The following ADGRE3 variants were observed in gnomAD, a reference collection of about 807,000 sequenced individuals.
ADGRE3 encodes the protein EGF-like module receptor 3.
ADGRE3 carries 88 observed loss-of-function variants against 80.1 expected under a neutral mutation model. The ratio of observed to expected loss-of-function variants is 1.10; its 90% CI spans 0.93 to 1.31. ADGRE3 has a LOEUF of 1.31. Among genes scored for constraint, ADGRE3 ranks in the 40% most tolerant of loss-of-function variants. ADGRE3 has a pLI of 0.00. For missense variants in ADGRE3, 715 were observed against 776.5 expected, an observed-to-expected ratio of 0.92 and a Z score of 0.94; for synonymous variants, 281 against 294.8, an observed-to-expected ratio of 0.95 and a Z score of 0.48.
chr19:14,633,646 A>G (rs561266506), intron 11 of ADGRE3, among the ~76,000 whole-genome samples: 19 of 150,652 alleles, frequency 1.3e-4, no homozygotes, highest in Non-Finnish European at 2.1e-4. Flanking sequence ...CGGAGCTTGC[A>G]GTGAGCCAAG....
chr19:14,609,900 C>T, the ADGRE3 span, among the ~76,000 whole-genome samples: 6 of 152,056 alleles, frequency 3.9e-5, no homozygotes, highest in Non-Finnish European at 8.8e-5. Flanking sequence ...GGGCCAGGCA[C>T]GGTGGCTCAC....
At chr19:14,664,623 T>A (rs1972042024) in intron 2 of ADGRE3, among the ~76,000 whole-genome samples, 1 of 152,088 alleles carries the variant, frequency 6.6e-6, no homozygotes, top group Non-Finnish European at 1.5e-5. Flanking sequence ...GCGGGAGGAT[T>A]GCTTGAGCCC....
At chr19:14,673,530 T>C (rs34863564) in intron 1 of ADGRE3, among the ~76,000 whole-genome samples, 30,847 of 152,038 alleles carry the variant, frequency 0.2, 3,337 homozygotes, top group Middle Eastern at 0.37. Context: ...GGAGGAGCAT[T>C]ATAGCAAAGA....
chr19:14,646,991 T>C (rs1198234343), intron 8 of ADGRE3, among the ~76,000 whole-genome samples, 190 bp downstream of exon 8: 4 of 152,062 alleles, frequency 2.6e-5, no homozygotes, highest in African/African-American at 9.7e-5. Context: ...ATTTACAAGA[T>C]GTAAATCTGG....
chr19:14,619,884 A>G (rs1458406064), intron 15 of ADGRE3, among the ~76,000 whole-genome samples: 4 of 152,182 alleles, frequency 2.6e-5, no homozygotes, highest in Admixed American at 1.3e-4. Flanking sequence ...TTGGTTTAGC[A>G]GCCCCAAGCT....
chr19:14,661,578 C>G (rs1971944648), intron 4 of ADGRE3, among the ~76,000 whole-genome samples: 1 of 152,192 alleles, frequency 6.6e-6, no homozygotes, highest in Non-Finnish European at 1.5e-5. Flanking sequence ...TTATTTCCCT[C>G]AACTTGAACT....
chr19:14,659,721 T>A (rs1157960469), intron 4 of ADGRE3, among the ~76,000 whole-genome samples: 1 of 146,992 alleles, frequency 6.8e-6, no homozygotes, highest in Non-Finnish European at 1.5e-5. Context: ...CTCGGGAGGC[T>A]GAGGCAGGAG....
At chr19:14,620,548 T>TATATAATATATATATATATATA in intron 15 of ADGRE3, among the ~76,000 whole-genome samples, 3 of 24,972 alleles carry the variant, frequency 1.2e-4, no homozygotes, top group African/African-American at 2.1e-4. Flanking sequence ...TATATATATA[T>TATATAATATATATATATATATA]TATATATATA....
At chr19:14,643,478 C>CT (rs1971309645) in intron 9 of ADGRE3, among the ~76,000 whole-genome samples, 1 of 151,862 alleles carries the variant, frequency 6.6e-6, no homozygotes, top group South Asian at 2.1e-4. Context: ...GTCCTATAGT[C>CT]TGAGCAACTG....
At chr19:14,643,117 T>C (rs1971297185) in intron 9 of ADGRE3, among the ~76,000 whole-genome samples, 1 of 151,468 alleles carries the variant, frequency 6.6e-6, no homozygotes, top group Non-Finnish European at 1.5e-5. Flanking sequence ...ATAGTAGTCA[T>C]TCATGATGTG....
intron 6 of ADGRE3, among the ~76,000 whole-genome samples, chr19:14,651,468 G>T (rs776009248): frequency 6.6e-6 from 1 of 152,152 alleles, no homozygotes; most frequent in Admixed American, 6.6e-5. Context: ...TCTTACACAT[G>T]TCACCTTATA....
At chr19:14,616,599 A>G (rs1024910774), downstream of ADGRE3, among the ~76,000 whole-genome samples, 4 of 151,756 alleles carry the variant, frequency 2.6e-5, no homozygotes, top group African/African-American at 9.7e-5. Context: ...AATGATCAAC[A>G]GAGTCAAATG....
At chr19:14,649,945 T>C (rs1971538134) in intron 7 of ADGRE3, among the ~76,000 whole-genome samples, 4 of 59,494 alleles carry the variant, frequency 6.7e-5, no homozygotes, top group African/African-American at 2.3e-4. Context: ...TCTCTCCATC[T>C]CTTTCTCCCC....
chr19:14,662,874 C>T (rs1381976412), intron 3 of ADGRE3, among the ~76,000 whole-genome samples: 7 of 129,096 alleles, frequency 5.4e-5, no homozygotes, highest in African/African-American at 1.5e-4. Flanking sequence ...TGAGACCAGC[C>T]GGGACAATAT....
At chr19:14,634,827 G>T (rs563102044) in intron 11 of ADGRE3, among the ~76,000 whole-genome samples, 36 of 150,222 alleles carry the variant, frequency 2.4e-4, no homozygotes, top group Non-Finnish European at 4.1e-4. Flanking sequence ...GGGGTTCAGG[G>T]CCTGGCTGGT....
chr19:14,652,391 G>T (rs1971632196), intron 6 of ADGRE3, among the ~76,000 whole-genome samples: 1 of 151,890 alleles, frequency 6.6e-6, no homozygotes, highest in Non-Finnish European at 1.5e-5. Context: ...TTGGGTGATG[G>T]GTGCATCAGG....
chr19:14,660,727 A>G (rs1421978419), intron 4 of ADGRE3, among the ~76,000 whole-genome samples: 2 of 151,784 alleles, frequency 1.3e-5, no homozygotes, highest in Non-Finnish European at 2.9e-5. Flanking sequence ...TTTCCCATCC[A>G]TGTTTTCCAT....
intron 2 of ADGRE3, among the ~76,000 whole-genome samples, chr19:14,664,633 C>G (rs1972042394): frequency 5.9e-5 from 9 of 152,082 alleles, no homozygotes; most frequent in Admixed American, 5.9e-4. Flanking sequence ...TGCTTGAGCC[C>G]AGGAGTTTGA....
chr19:14,607,774 C>A, the ADGRE3 span, among the ~76,000 whole-genome samples: 1 of 151,402 alleles, frequency 6.6e-6, no homozygotes, highest in African/African-American at 2.4e-5. Flanking sequence ...TGGGGTTTCA[C>A]CATGTTGGCC....
Sources: allele counts gnomAD v4.1 joint callset (sites outside exome capture counted in the v4.1 genomes callset), GRCh38; gene constraint gnomAD v4.1.1; transcripts MANE v1.5; gene names NCBI Gene and HGNC (gene_info 2026-07-23, HGNC 2026-07-21).